Variants in RIPOR1 observed in about 807,000 individuals in gnomAD.
RIPOR1 encodes the protein rho family-interacting cell polarization regulator 1.
Under a neutral mutation model 116.5 loss-of-function variants are expected in RIPOR1, and 58 were observed. That is an observed-to-expected ratio of 0.50 (90% CI 0.40 to 0.62). The LOEUF is 0.62. Ranked by LOEUF, RIPOR1 falls within the 20% of genes least tolerant of loss-of-function variation. The pLI is 0.00. For synonymous variants in RIPOR1, 605 were observed against 650.0 expected (o/e 0.93, Z 1.05); for missense variants, 1,372 against 1,586.2 (o/e 0.86, Z 2.29).
intron 1 of RIPOR1, among the ~76,000 whole-genome samples, chr16:67,520,062 C>CA (rs796368368): frequency 0.072 from 3,279 of 45,244 alleles, 124 homozygotes; most frequent in Non-Finnish European, 0.12. Context: ...AACTCCGTCT[C>CA]AAAAAAAAAA....
Position 67,538,677 on chromosome 16 carries a change from T to A in RIPOR1, c.110T>A (p.Phe37Tyr), listed in dbSNP as rs1468875141. 14 of 1,612,692 alleles carry A rather than the reference T, an allele frequency of 8.7e-6. No individual in the cohort carries two copies. The Admixed American group carries it at 2.3e-4, about 27-fold the overall frequency. ...GAGGACAGCCTCTCCTTCAGGAGTT[T>A]CCCGGTCTTCAGCCCGCCGGGGCCC... ...LGSHERGPRS[F>Y]PVFSPPGPPR... is the part of the protein sequence containing the mutation. Residue 37 changes from phenylalanine to tyrosine, a missense_variant, in exon 3 of 22, where the codon TTC (phenylalanine) becomes TAC (tyrosine). Phe to Tyr is a conservative substitution (Grantham distance 22, BLOSUM62 3). Transcript: ENST00000042381.
At chr16:67,539,301 C>G in intron 4 of RIPOR1, 1 of 546,438 alleles carries the variant, frequency 1.8e-6, no homozygotes, top group Non-Finnish European at 3.3e-6. Flanking sequence ...AGGTGGGACC[C>G]CTACAGACAT....
At chr16:67,532,142 G>A (rs1286937094) in intron 1 of RIPOR1, among the ~76,000 whole-genome samples, 1 of 151,404 alleles carries the variant, frequency 6.6e-6, no homozygotes, top group Admixed American at 6.6e-5. Context: ...CTCATGATCC[G>A]CCCTCCTCAG....
At position 67,539,839 on chromosome 16, in the gene RIPOR1, C is replaced by G. The variant is rs911648527; in HGVS notation, c.361-7C>G. The G allele has an allele frequency of 7.4e-6, 12 of 1,614,082 alleles. No individual in the cohort carries two copies. Among genetic ancestry groups the G allele is most frequent in the South Asian group, 1.1e-5 (1 of 91,096 alleles). ...CTCAGGCCCCTCCTGACCCACCTCT[C>G]CCCCAGCAAGTCAAGTCCATTGAAC... On this transcript the variant is annotated splice_region_variant and splice_polypyrimidine_tract_variant and intron_variant, in intron 5 of 21. Coordinates refer to ENST00000042381, the MANE Select transcript of RIPOR1 (RefSeq NM_024519.4).
In RIPOR1 at chr16:67,530,357, G is replaced by A. The variant is rs868405275; in HGVS notation, c.-24+1443G>A. On this transcript the variant is annotated intron_variant, in intron 1 of 21. Coordinates refer to ENST00000042381, the MANE Select transcript of RIPOR1 (RefSeq NM_024519.4). This position sits in a 1 kb window ranked among gnomAD's most constrained non-coding sequence, Gnocchi z 4.5. ...GACAGCCTCCGCCCGGTTCCGGGGT[G>A]GGGGGTCCGGGGCTGTGCCGCTCCC... Among the ~76,000 whole-genome samples the A allele has an allele frequency of 6.6e-6, 1 of 152,226 alleles. No individual in the cohort carries two copies. The highest frequency in any genetic ancestry group is 2.1e-4 in the South Asian group (1 of 4,828).
chr16:67,537,545 GC>G lies in RIPOR1; in HGVS notation c.-23-878del. The G allele has an allele frequency of 7.4e-7, 1 of 1,356,184 alleles. No homozygotes were observed. The highest frequency in any genetic ancestry group is 9.5e-7 in the Non-Finnish European group (1 of 1,051,704). 84.0% of individuals were successfully genotyped at this position (1,356,184 alleles called of 1,614,324 possible). A position where few individuals can be genotyped will look rare whatever the true frequency, so the allele number is the denominator to read the frequency against. ...GCCAGGGCCGGAAGGTCCGCGGGGG[GC>G]GAGCGCGGGTCGGGGGCCGTCCCGG... On this transcript the variant is annotated intron_variant, in intron 1 of 21. Transcript: ENST00000042381. The surrounding 1 kb of genome is among the most constrained non-coding windows in gnomAD (Gnocchi z 4.6).
chr16:67,541,348 C>A lies in RIPOR1; in HGVS notation c.802-82C>A. 1 of 1,494,576 alleles carries A rather than the reference C, an allele frequency of 6.7e-7. No homozygotes were observed. The highest frequency in any genetic ancestry group is 1.3e-5 in the South Asian group (1 of 78,978). The allele number at this position is 1,494,576 out of a possible 1,614,324, so 92.6% of individuals were successfully genotyped here. On this transcript the variant is annotated intron_variant, in intron 10 of 21. Transcript: ENST00000042381. The surrounding 1 kb of genome is among the most constrained non-coding windows in gnomAD (Gnocchi z 4.6). ...GCCTCCCATGACCATTTTATAAGTTCTATGCAAATTCAGACCTCAGATTTC... is the reference window on the plus strand; with the variant it reads ...GCCTCCCATGACCATTTTATAAGTTATATGCAAATTCAGACCTCAGATTTC...
intron 1 of RIPOR1, among the ~76,000 whole-genome samples, chr16:67,535,606 G>GGC (rs1162436904): frequency 6.6e-6 from 1 of 152,230 alleles, no homozygotes; most frequent in African/African-American, 2.4e-5. Context: ...TATCTCCAGT[G>GGC]ACTGGCACAT....
At chr16:67,536,892 C>T (rs998270289) in intron 1 of RIPOR1, among the ~76,000 whole-genome samples, 1 of 152,130 alleles carries the variant, frequency 6.6e-6, no homozygotes, top group Admixed American at 6.5e-5. Context: ...CACTTAGAAC[C>T]CCAGCTCTCA....
Position 67,543,533 on chromosome 16 carries a change from G to A in RIPOR1, c.2600+64G>A. ...GAGGGAAAAGGTGAGGCAGGACCAGGGGAAGGTGGAACAGGTGAATTGGGA... is the reference window on the plus strand; with the variant it reads ...GAGGGAAAAGGTGAGGCAGGACCAGAGGAAGGTGGAACAGGTGAATTGGGA... On this transcript the variant is annotated intron_variant, in intron 14 of 21. Coordinates refer to ENST00000042381, the MANE Select transcript of RIPOR1 (RefSeq NM_024519.4). This position sits in a 1 kb window ranked among gnomAD's most constrained non-coding sequence, Gnocchi z 4.7. 1.3e-6 allele frequency: 2 copies of A among 1,537,472 alleles called. No individual in the cohort carries two copies. Among genetic ancestry groups the A allele is most frequent in the Non-Finnish European group, 1.7e-6 (2 of 1,145,336 alleles).
chr16:67,525,650 C>T (rs1163378764), upstream of RIPOR1, among the ~76,000 whole-genome samples: 1 of 152,084 alleles, frequency 6.6e-6, no homozygotes. Context: ...TGCTGTCTGT[C>T]CCAGGGATTT....
In RIPOR1 at chr16:67,539,101, T is replaced by C. The variant is rs746794237; in HGVS notation, c.336+33T>C. On this transcript the variant is annotated intron_variant, in intron 4 of 21. Transcript: ENST00000042381. The stretch of plus-strand genomic sequence containing the variant: ...GCGGGAGGTACGGATGCCCTTTGCC[T>C]CTTTGGTGTGGAGGGCTGGGCAAGG... 34 of 1,588,722 alleles carry C rather than the reference T, an allele frequency of 2.1e-5. 2 individuals carry two copies. In the South Asian group the frequency reaches 3.8e-4, roughly 18 times the overall value.
upstream of RIPOR1, among the ~76,000 whole-genome samples, chr16:67,527,598 T>C (rs1217643242): frequency 6.6e-6 from 1 of 151,238 alleles, no homozygotes; most frequent in Non-Finnish European, 1.5e-5. Flanking sequence ...CCAAACAGGC[T>C]GGGCGCGGTG....
intron 1 of RIPOR1, among the ~76,000 whole-genome samples, chr16:67,522,191 A>ATTT (rs34835336): frequency 0.012 from 853 of 71,296 alleles, 128 homozygotes; most frequent in African/African-American, 0.045. Flanking sequence ...CCACGCCCAG[A>ATTT]TTTTTTTTTT....
upstream of RIPOR1, among the ~76,000 whole-genome samples, chr16:67,525,772 A>G (rs2050534902): frequency 6.6e-6 from 1 of 152,164 alleles, no homozygotes; most frequent in Non-Finnish European, 1.5e-5. Context: ...GGCAGAGGAC[A>G]GGGCTCAGGA....
chr16:67,542,518 A>G lies in RIPOR1; in HGVS notation c.1732A>G (p.Ile578Val), dbSNP rs1172160866. ...HTTTGSTHKP[I>V]ISTLTTTGPT... ...TACTACAGGCTCCACCCACAAGCCC[A>G]TAATCTCTACCCTTACTACTACAGG... is the stretch of plus-strand genomic sequence containing the variant. Residue 578 changes from isoleucine (I) to valine (V), a missense_variant, in exon 13 of 22, where the codon ATA (isoleucine) becomes GTA (valine). Physicochemically the swap from Ile to Val is conservative, Grantham distance 29. Coordinates refer to ENST00000042381, the MANE Select transcript of RIPOR1 (RefSeq NM_024519.4). The surrounding 1 kb of genome is among the most constrained non-coding windows in gnomAD (Gnocchi z 4.6). 4 of 1,613,718 alleles carry G rather than the reference A, an allele frequency of 2.5e-6. No individual in the cohort carries two copies. Among genetic ancestry groups the G allele is most frequent in the Non-Finnish European group, 3.4e-6 (4 of 1,179,928 alleles).
chr16:67,545,356 C>T lies in RIPOR1; in HGVS notation c.3032-20C>T. On this transcript the variant is annotated intron_variant, in intron 17 of 21. Coordinates refer to ENST00000042381, the MANE Select transcript of RIPOR1 (RefSeq NM_024519.4). This position sits in a 1 kb window ranked among gnomAD's most constrained non-coding sequence, Gnocchi z 4.8. The stretch of plus-strand genomic sequence containing the variant: ...CTGTGTTCACCCAAACTCTGAGGCC[C>T]ATGCTACTGCCTCCTGCAGTGTGTG... 1 of 1,607,894 alleles carries T rather than the reference C, an allele frequency of 6.2e-7. No individual in the cohort carries two copies.
rs1597643321 is a variant in RIPOR1, at chr16:67,540,207, T to G, written c.567+2T>G. 6.2e-7 allele frequency: 1 copy of G among 1,613,598 alleles called. No individual in the cohort carries two copies. Among genetic ancestry groups the G allele is most frequent in the Non-Finnish European group, 8.5e-7 (1 of 1,179,868 alleles). On this transcript the variant is annotated splice_donor_variant, in intron 7 of 21. Coordinates refer to ENST00000042381, the MANE Select transcript of RIPOR1 (RefSeq NM_024519.4). LOFTEE classifies it high-confidence loss of function. This position sits in a 1 kb window ranked among gnomAD's most constrained non-coding sequence, Gnocchi z 4.7. ...CGGGGGCATCGCGAGTACACGGAGG[T>G]GAGGGATGGGGGCCCATGAGGCAGA... is the stretch of plus-strand genomic sequence containing the variant.
Position 67,546,465 on chromosome 16 carries a change from C to G in RIPOR1, c.*2C>G, listed in dbSNP as rs2051173376. 1 of 1,613,064 alleles carries G rather than the reference C, an allele frequency of 6.2e-7. No individual in the cohort carries two copies. The highest frequency in any genetic ancestry group is 1.3e-5 in the African/African-American group (1 of 74,932). On this transcript the variant is annotated 3_prime_UTR_variant, in exon 22 of 22. Coordinates refer to ENST00000042381, the MANE Select transcript of RIPOR1 (RefSeq NM_024519.4). The stretch of plus-strand genomic sequence containing the variant: ...AGCATGGCCAGCACAGCATTCTAAA[C>G]TATTCACCCATGGGTTCCTGGTGCC...
Sources: allele counts gnomAD v4.1 joint callset (sites outside exome capture counted in the v4.1 genomes callset), GRCh38; gene constraint gnomAD v4.1.1; non-coding constraint Gnocchi (gnomAD v3.1); transcripts MANE v1.5; gene names NCBI Gene and HGNC (gene_info 2026-07-23, HGNC 2026-07-21).